SGO2: variants seen among roughly 807,000 people sequenced by gnomAD.
The protein encoded by SGO2 is shugoshin-like 2.
In SGO2, 68 loss-of-function variants were observed where a neutral mutation model predicts 99.5. The ratio of observed to expected loss-of-function variants is 0.68; its 90% CI spans 0.56 to 0.84. The LOEUF (loss-of-function observed/expected upper bound fraction) is 0.84, where lower values mean the gene tolerates loss of function less well. SGO2 is among the 40% of genes least tolerant of loss of function. The pLI, the probability that SGO2 is intolerant of heterozygous loss-of-function variation, is 0.00. For missense variants in SGO2, 1,350 were observed against 1,436.7 expected, an observed-to-expected ratio of 0.94 and a Z score of 0.97; for synonymous variants, 457 against 487.1, an observed-to-expected ratio of 0.94 and a Z score of 0.81.
rs71022323 is a variant in SGO2 at position 200,570,478 on chromosome 2, ATGTGTGTGTG to A, written c.704-549_704-540del. Among the ~76,000 whole-genome samples, 34 of 142,832 alleles carry A rather than the reference ATGTGTGTGTG, an allele frequency of 2.4e-4. No homozygotes were observed. The highest frequency in any genetic ancestry group is 9.1e-4 in the South Asian group (4 of 4,396). 93.7% of individuals were successfully genotyped at this position (142,832 alleles called of 152,430 possible). A position where few individuals can be genotyped will look rare whatever the true frequency, so the allele number is the denominator to read the frequency against. ...TTAGAATTGTTTTTCCTTTCTGAAA[ATGTGTGTGTG>A]TGTGTGTGTGTGTGTGTGTGTGGGC... On this transcript the variant is annotated intron_variant, in intron 6 of 8. Transcript: ENST00000357799. The surrounding 1 kb of genome is among the most constrained non-coding windows in gnomAD (Gnocchi z 4.4).
intron 8 of SGO2, among the ~76,000 whole-genome samples, chr2:200,579,883 C>T (rs1004515583): frequency 5.3e-5 from 8 of 152,104 alleles, no homozygotes; most frequent in Non-Finnish European, 8.8e-5. Context: ...AAGTCACCAT[C>T]TTGGTTCCTT....
intron 4 of SGO2, 117 bp downstream of exon 4, chr2:200,536,259 TG>T: frequency 1.8e-6 from 1 of 553,102 alleles, no homozygotes; most frequent in Non-Finnish European, 3.2e-6. Flanking sequence ...AAAGGACTGA[TG>T]ATAATATCAG....
intron 1 of SGO2, among the ~76,000 whole-genome samples, chr2:200,531,309 C>T (rs1308827818): frequency 1.3e-5 from 2 of 152,028 alleles, no homozygotes; most frequent in Non-Finnish European, 2.9e-5. Flanking sequence ...TGAAATAATT[C>T]ATAAAGAGGA....
At chr2:200,542,746 G>A in intron 5 of SGO2, 82 bp downstream of exon 5, 7 of 1,189,792 alleles carry the variant, frequency 5.9e-6, no homozygotes, top group Non-Finnish European at 8.4e-6. Flanking sequence ...ATTGTACAGT[G>A]TTCAGGATCA....
intron 5 of SGO2, among the ~76,000 whole-genome samples, chr2:200,567,618 A>AC (rs72270182): frequency 1.3e-5 from 2 of 151,660 alleles, no homozygotes; most frequent in Admixed American, 6.6e-5. Flanking sequence ...TCCATTCTCC[A>AC]CCCCCCTAGC....
At chr2:200,569,638 T>C in intron 5 of SGO2, 25 bp from the exon 6 acceptor site, 1 of 1,535,220 alleles carries the variant, frequency 6.5e-7, no homozygotes, top group Non-Finnish European at 8.8e-7. Flanking sequence ...ACATAATTTC[T>C]CATTTCCTTC....
At chr2:200,554,203 C>G (rs2106326414) in intron 5 of SGO2, among the ~76,000 whole-genome samples, 1 of 152,252 alleles carries the variant, frequency 6.6e-6, no homozygotes, top group South Asian at 2.1e-4. Flanking sequence ...ATACTGTACT[C>G]AATTTTTAAA....
chr2:200,559,425 T>G (rs934308586), intron 5 of SGO2, among the ~76,000 whole-genome samples: 1 of 152,166 alleles, frequency 6.6e-6, no homozygotes, highest in East Asian at 1.9e-4. Context: ...TCTATTTCAT[T>G]GATTCTGCTC....
chr2:200,569,005 C>G (rs1459754090), intron 5 of SGO2, among the ~76,000 whole-genome samples: 2 of 151,846 alleles, frequency 1.3e-5, no homozygotes, highest in Non-Finnish European at 2.9e-5. Context: ...AAATATTTAT[C>G]AGAAATATTT....
intron 5 of SGO2, among the ~76,000 whole-genome samples, chr2:200,549,605 AAATC>A (rs2032376542): frequency 6.6e-6 from 1 of 152,242 alleles, no homozygotes; most frequent in Non-Finnish European, 1.5e-5. Context: ...CAGCAGACAC[AAATC>A]AATCAATGTG....
At chr2:200,555,774 C>A (rs1358055750) in intron 5 of SGO2, among the ~76,000 whole-genome samples, 1 of 152,106 alleles carries the variant, frequency 6.6e-6, no homozygotes. Flanking sequence ...ATTTCTGATA[C>A]CCCTGAAAGT....
intron 8 of SGO2, 48 bp from the exon 9 acceptor site, chr2:200,583,401 G>A: frequency 6.5e-7 from 1 of 1,532,632 alleles, no homozygotes; most frequent in South Asian, 1.3e-5. Context: ...CACAGCAAAA[G>A]CATTAATTTT....
Position 200,566,660 on chromosome 2 carries a change from C to T in SGO2, c.474-3003C>T, listed in dbSNP as rs371009752. Reference sequence around the variant, plus strand: ...CTGCCTTTTGTTCAGCTATGCCCTCCGCCAGAGGTGGAGTCTACAGAGGCA... The same window carrying T: ...CTGCCTTTTGTTCAGCTATGCCCTCTGCCAGAGGTGGAGTCTACAGAGGCA... On this transcript the variant is annotated intron_variant, in intron 5 of 8. Coordinates refer to ENST00000357799, the MANE Select transcript of SGO2 (RefSeq NM_152524.6). 7.2e-5 allele frequency among the ~76,000 whole-genome samples: 11 copies of T among 152,328 alleles called. No homozygotes were observed. The East Asian group carries it at 9.7e-4, about 13-fold the overall frequency.
At chr2:200,536,203 A>G in intron 4 of SGO2, 61 bp downstream of exon 4, 1 of 1,022,052 alleles carries the variant, frequency 9.8e-7, no homozygotes, top group Non-Finnish European at 1.5e-6. Flanking sequence ...CACTGAGATT[A>G]CTTAAATAAC....
chr2:200,534,863 C>A, intron 2 of SGO2, 133 bp from the exon 3 acceptor site: 1 of 570,896 alleles, frequency 1.8e-6, no homozygotes, highest in Non-Finnish European at 2.9e-6. Flanking sequence ...AAAACTACAT[C>A]TGTATTGTTA....
At chr2:200,531,531 C>G (rs931773112) in intron 1 of SGO2, among the ~76,000 whole-genome samples, 3 of 151,748 alleles carry the variant, frequency 2.0e-5, no homozygotes, top group Admixed American at 6.6e-5. Context: ...GAGGGTGGTT[C>G]AAGAAGATGA....
At chr2:200,558,064 A>G (rs1397897761) in intron 5 of SGO2, among the ~76,000 whole-genome samples, 1 of 151,916 alleles carries the variant, frequency 6.6e-6, no homozygotes, top group Non-Finnish European at 1.5e-5. Context: ...GGGTTTCACC[A>G]TGTTGGCCAG....
intron 7 of SGO2, among the ~76,000 whole-genome samples, chr2:200,575,098 C>G (rs2033604508): frequency 1.3e-5 from 2 of 151,996 alleles, no homozygotes; most frequent in South Asian, 4.1e-4. Context: ...AAGAGTTGAA[C>G]TAGGATGAAC....
At chr2:200,576,966 T>C (rs980947028) in intron 8 of SGO2, among the ~76,000 whole-genome samples, 1 of 152,352 alleles carries the variant, frequency 6.6e-6, no homozygotes, top group African/African-American at 2.4e-5. Flanking sequence ...TTGGGTTGTT[T>C]TCATCTTTTG....
Sources: allele counts gnomAD v4.1 joint callset (sites outside exome capture counted in the v4.1 genomes callset), GRCh38; gene constraint gnomAD v4.1.1; non-coding constraint Gnocchi (gnomAD v3.1); transcripts MANE v1.5; gene names NCBI Gene and HGNC (gene_info 2026-07-23, HGNC 2026-07-21).